SHISA9: variants seen among roughly 807,000 people sequenced by gnomAD.
SHISA9 encodes protein shisa-9.
In SHISA9, 13 loss-of-function variants were observed where a neutral mutation model predicts 38.0. The observed-to-expected ratio is 0.34, with a 90% CI of 0.22 to 0.54. The LOEUF is 0.54. Ranked by LOEUF, SHISA9 falls within the 20% of genes least tolerant of loss-of-function variation. The pLI, the probability that SHISA9 is intolerant of heterozygous loss-of-function variation, is 0.91. For missense variants in SHISA9, 538 were observed against 575.8 expected, an observed-to-expected ratio of 0.93 and a Z score of 0.67; for synonymous variants, 275 against 242.0, an observed-to-expected ratio of 1.14 and a Z score of -1.27.
the SHISA9 span, among the ~76,000 whole-genome samples, chr16:13,277,982 T>C: frequency 9.2e-5 from 14 of 152,084 alleles, 1 homozygote; most frequent in African/African-American, 3.4e-4. Flanking sequence ...GTGGGCCTCC[T>C]TGTCTTGTTC....
At position 12,941,789 on chromosome 16, in the gene SHISA9, T is replaced by C. The variant is rs142109214; in HGVS notation, c.691+24974T>C. ...TCGCTTGAACCCGGGAGGTGGAGGTTGCAGTGAGCTGAGATCGTGCCACTG... is the reference window on the plus strand; with the variant it reads ...TCGCTTGAACCCGGGAGGTGGAGGTCGCAGTGAGCTGAGATCGTGCCACTG... On this transcript the variant is annotated intron_variant, in intron 2 of 4. Coordinates refer to ENST00000558583, the MANE Select transcript of SHISA9 (RefSeq NM_001145204.3). Among the ~76,000 whole-genome samples, 1,436 of 152,256 alleles carry C rather than the reference T, an allele frequency of 9.4e-3. 21 individuals are homozygous for C. The highest frequency in any genetic ancestry group is 0.033 in the African/African-American group (1,367 of 41,538).
chr16:13,299,203 G>T, the SHISA9 span, among the ~76,000 whole-genome samples: 1 of 152,084 alleles, frequency 6.6e-6, no homozygotes, highest in Non-Finnish European at 1.5e-5. Context: ...TGTGGCTAAG[G>T]GTGTAAAACT....
intron 2 of SHISA9, among the ~76,000 whole-genome samples, chr16:13,121,067 G>A (rs190622109): frequency 2.0e-5 from 3 of 152,218 alleles, no homozygotes; most frequent in South Asian, 4.1e-4. Flanking sequence ...GCTGAGGTGC[G>A]AGTATTGCCT....
the SHISA9 span, among the ~76,000 whole-genome samples, chr16:13,454,841 C>G: frequency 1.6e-3 from 237 of 152,298 alleles, 1 homozygote; most frequent in African/African-American, 5.5e-3. Flanking sequence ...CTATTTACTT[C>G]TATTCATGTG....
At chr16:13,136,050 C>A (rs554319450) in intron 2 of SHISA9, among the ~76,000 whole-genome samples, 1 of 152,244 alleles carries the variant, frequency 6.6e-6, no homozygotes, top group Admixed American at 6.5e-5. Flanking sequence ...AATATCCACG[C>A]TGAAGCATAT....
At chr16:13,213,346 GT>G in intron 4 of SHISA9, 46 bp downstream of exon 4, 1 of 1,525,520 alleles carries the variant, frequency 6.6e-7, no homozygotes, top group Non-Finnish European at 8.9e-7. Flanking sequence ...TGTTGTCAAA[GT>G]TAGCATTAAA....
chr16:13,435,652 G>A, the SHISA9 span, among the ~76,000 whole-genome samples: 1 of 152,200 alleles, frequency 6.6e-6, no homozygotes, highest in Admixed American at 6.5e-5. Context: ...AGCCTCTGAT[G>A]TTATCAAGCC....
the SHISA9 span, among the ~76,000 whole-genome samples, chr16:13,258,127 AATCTT>A: frequency 1.3e-5 from 2 of 152,138 alleles, no homozygotes; most frequent in Non-Finnish European, 2.9e-5. Context: ...TCTACTCTCT[AATCTT>A]AGTTTCCCTC....
At chr16:13,144,557 G>A (rs149917) in intron 2 of SHISA9, among the ~76,000 whole-genome samples, 75,573 of 151,944 alleles carry the variant, frequency 0.5, 20,345 homozygotes, top group Non-Finnish European at 0.59. Context: ...CTCACTGTTG[G>A]CCATGTGCAT....
intron 2 of SHISA9, among the ~76,000 whole-genome samples, chr16:13,092,449 G>C (rs933195415): frequency 6.6e-6 from 1 of 152,236 alleles, no homozygotes; most frequent in Non-Finnish European, 1.5e-5. Flanking sequence ...AGAGGCAGTA[G>C]GCCTTGTTGA....
chr16:12,951,648 C>G (rs1383117286), intron 2 of SHISA9, among the ~76,000 whole-genome samples: 1 of 152,064 alleles, frequency 6.6e-6, no homozygotes. Flanking sequence ...GAGGGGTGCA[C>G]CTGCCTGGTA....
chr16:13,180,735 A>G (rs972748616), intron 2 of SHISA9, among the ~76,000 whole-genome samples: 4 of 152,170 alleles, frequency 2.6e-5, no homozygotes, highest in African/African-American at 9.6e-5. Context: ...AATGAGATCA[A>G]TTTGTGGAAC....
chr16:12,918,921 C>T (rs1043766772), intron 2 of SHISA9, among the ~76,000 whole-genome samples: 5 of 152,144 alleles, frequency 3.3e-5, no homozygotes, highest in Non-Finnish European at 5.9e-5. Flanking sequence ...AAGAATGTGA[C>T]CTTTTCACCG....
chr16:13,149,343 G>A (rs193117632), intron 2 of SHISA9, among the ~76,000 whole-genome samples: 45 of 152,272 alleles, frequency 3.0e-4, no homozygotes, highest in African/African-American at 9.9e-4. Flanking sequence ...GGGGTGGAGA[G>A]GCTATCGTTC....
At chr16:13,513,159 C>G in the SHISA9 span, among the ~76,000 whole-genome samples, 3 of 152,162 alleles carry the variant, frequency 2.0e-5, no homozygotes, top group African/African-American at 7.2e-5. Flanking sequence ...AACGAATTTA[C>G]AAGAAATAAC....
chr16:13,469,320 G>GAGAGAAAGAAAGAA, the SHISA9 span, among the ~76,000 whole-genome samples: 162 of 61,566 alleles, frequency 2.6e-3, 9 homozygotes, highest in East Asian at 8.8e-3. Flanking sequence ...GAGAGAGAGA[G>GAGAGAAAGAAAGAA]AGAAAGAAAG....
chr16:13,091,437 A>T (rs1205942022), intron 2 of SHISA9, among the ~76,000 whole-genome samples: 1 of 152,220 alleles, frequency 6.6e-6, no homozygotes, highest in Non-Finnish European at 1.5e-5. Flanking sequence ...CAGGTATGCC[A>T]ATCAAATGTA....
At chr16:13,459,538 GTT>G in the SHISA9 span, among the ~76,000 whole-genome samples, 2 of 152,140 alleles carry the variant, frequency 1.3e-5, no homozygotes, top group African/African-American at 2.4e-5. Context: ...TATCACCTTT[GTT>G]ATTCCAAATC....
chr16:13,472,308 A>G, the SHISA9 span, among the ~76,000 whole-genome samples: 1 of 151,256 alleles, frequency 6.6e-6, no homozygotes, highest in Non-Finnish European at 1.5e-5. Context: ...CATTTGGGGA[A>G]TCCAATTAAG....
Sources: allele counts gnomAD v4.1 joint callset (sites outside exome capture counted in the v4.1 genomes callset), GRCh38; gene constraint gnomAD v4.1.1; transcripts MANE v1.5; gene names NCBI Gene and HGNC (gene_info 2026-07-23, HGNC 2026-07-21).